Variants in MPC1 observed in about 807,000 individuals in gnomAD.
The protein encoded by MPC1 is HSPC040 protein.
MPC1 carries 6 observed loss-of-function variants against 13.9 expected under a neutral mutation model. The observed-to-expected ratio is 0.43, with a 90% CI of 0.24 to 0.85. The LOEUF is 0.85. Ranked by LOEUF, MPC1 falls within the 40% of genes least tolerant of loss-of-function variation. The probability of loss-of-function intolerance (pLI) is 0.24; values close to 1 mark genes in which losing one functional copy is unlikely to be tolerated. For missense variants in MPC1, 115 were observed against 143.3 expected, an observed-to-expected ratio of 0.80 and a Z score of 1.01; for synonymous variants, 47 against 50.5, an observed-to-expected ratio of 0.93 and a Z score of 0.29.
intron 1 of MPC1, among the ~76,000 whole-genome samples, chr6:166,376,125 G>A (rs952297739): frequency 1.3e-5 from 2 of 152,030 alleles, no homozygotes; most frequent in African/African-American, 4.8e-5. Context: ...ACTAATAGAA[G>A]ATGTATAGCT....
chr6:166,365,432 T>G lies in MPC1; in HGVS notation c.327A>C (p.Ala109=). The G allele has an allele frequency of 6.3e-7, 1 of 1,581,832 alleles. No homozygotes were observed. The highest frequency in any genetic ancestry group is 1.4e-5 in the African/African-American group (1 of 73,824). The change falls in exon 5 of 5, where the codon GCA becomes GCC. Residue 109 remains alanine (A), a synonymous_variant. Transcript: ENST00000360961. This position sits in a 1 kb window ranked among gnomAD's most constrained non-coding sequence, Gnocchi z 4.2. ...IKHEMTKTAS[A] ...CCTTGTTCTTCCTTTTCCATTGTTA[T>G]GCAGATGCCGTTTTAGTCATCCTGG... is the stretch of plus-strand genomic sequence containing the variant.
At chr6:166,376,041 A>T (rs2114968988) in intron 1 of MPC1, among the ~76,000 whole-genome samples, 1 of 152,240 alleles carries the variant, frequency 6.6e-6, no homozygotes, top group East Asian at 1.9e-4. Context: ...TTTTTGCCTC[A>T]TGTGTTTTAA....
intron 2 of MPC1, among the ~76,000 whole-genome samples, chr6:166,368,107 G>A (rs1779229212): frequency 6.6e-6 from 1 of 152,176 alleles, no homozygotes; most frequent in Non-Finnish European, 1.5e-5. Context: ...AAAGAATCTT[G>A]AGATTCTGGG....
At chr6:166,382,745 C>T in intron 1 of MPC1, 61 bp downstream of exon 1, 1 of 1,499,224 alleles carries the variant, frequency 6.7e-7, no homozygotes, top group Non-Finnish European at 8.9e-7. Flanking sequence ...GCGGACTGCA[C>T]GGGTCGCAGC....
chr6:166,371,795 GAGTA>G (rs1456144093), intron 1 of MPC1, among the ~76,000 whole-genome samples: 1 of 152,134 alleles, frequency 6.6e-6, no homozygotes, highest in Non-Finnish European at 1.5e-5. Context: ...AAATTAGGCA[GAGTA>G]AGAGATTGAC....
At chr6:166,374,454 T>C (rs748445024) in intron 1 of MPC1, among the ~76,000 whole-genome samples, 57 of 152,220 alleles carry the variant, frequency 3.7e-4, no homozygotes, top group Non-Finnish European at 7.5e-4. Context: ...TATCAATTAT[T>C]TCTGGGATCA....
At chr6:166,369,050 T>G (rs990978580) in intron 2 of MPC1, 1 of 569,160 alleles carries the variant, frequency 1.8e-6, no homozygotes, top group East Asian at 1.4e-4. Context: ...AAATGGACAA[T>G]GGAATAAATC....
chr6:166,366,087 C>G lies in MPC1; in HGVS notation c.192G>C (p.Leu64Phe), dbSNP rs914824697. ...CCTTGTAGGCAAATCTCATGAATGT[C>G]AAAGAATAGCAACAGAGGGCTGCCA... is the stretch of plus-strand genomic sequence containing the variant. Reference protein sequence around the residue: ...RMTFALCCYSLTFMRFAYKVQ... With the variant: ...RMTFALCCYSFTFMRFAYKVQ... Residue 64 changes from leucine (L) to phenylalanine (F), a missense_variant, in exon 4 of 5, where the codon TTG becomes TTC. Physicochemically the swap from Leu to Phe is conservative, Grantham distance 22. Around this residue, in one of 3 missense-constraint regions of MPC1, gnomAD observed 71 missense variants for 88.5 expected, o/e 0.80. Transcript: ENST00000360961. 34 of 1,613,592 alleles carry G rather than the reference C, an allele frequency of 2.1e-5. No homozygotes were observed. Among genetic ancestry groups the G allele is most frequent in the Non-Finnish European group, 2.9e-5 (34 of 1,179,758 alleles).
chr6:166,368,705 A>T (rs2114949742), intron 2 of MPC1: 2 of 949,796 alleles, frequency 2.1e-6, no homozygotes, highest in African/African-American at 3.6e-5. Flanking sequence ...TGTAAGGGAG[A>T]GTATCTATCT....
intron 1 of MPC1, among the ~76,000 whole-genome samples, chr6:166,375,576 C>T (rs1429178795): frequency 6.6e-6 from 1 of 151,812 alleles, no homozygotes; most frequent in Non-Finnish European, 1.5e-5. Flanking sequence ...TAACTGTATC[C>T]CACAAATTCT....
At chr6:166,378,175 G>A (rs958214226) in intron 1 of MPC1, among the ~76,000 whole-genome samples, 4 of 152,076 alleles carry the variant, frequency 2.6e-5, no homozygotes, top group Admixed American at 6.5e-5. Context: ...CACAAGTTTG[G>A]GAAAGATTCA....
chr6:166,369,897 C>T (rs1431965546), intron 2 of MPC1: 1 of 463,316 alleles, frequency 2.2e-6, no homozygotes, highest in Non-Finnish European at 4.0e-6. Context: ...ATCATCCCAC[C>T]CTTCTTTTCC....
chr6:166,365,219 A>G lies in MPC1; in HGVS notation c.*210T>C, dbSNP rs1779105233. ...TTAAATTAATTGCATATTTTGAGCT[A>G]CTCTTTATGGAAAGAAGTAAAATAT... On this transcript the variant is annotated 3_prime_UTR_variant, in exon 5 of 5. Transcript: ENST00000360961. The surrounding 1 kb of genome is among the most constrained non-coding windows in gnomAD (Gnocchi z 4.2). 2 of 408,284 alleles carry G rather than the reference A, an allele frequency of 4.9e-6. No homozygotes were observed. Among genetic ancestry groups the G allele is most frequent in the Non-Finnish European group, 8.6e-6 (2 of 232,300 alleles). The allele number at this position is 408,284 out of a possible 1,614,324, so 25.3% of individuals were successfully genotyped here. A position where few individuals can be genotyped will look rare whatever the true frequency, so the allele number is the denominator to read the frequency against.
intron 1 of MPC1, among the ~76,000 whole-genome samples, chr6:166,376,066 A>T (rs76396987): frequency 0.019 from 2,861 of 152,298 alleles, 91 homozygotes; most frequent in African/African-American, 0.066. Context: ...GTAATGGTGC[A>T]TACACATTAA....
intron 2 of MPC1, chr6:166,367,308 T>C (rs1036560251): frequency 8.8e-6 from 4 of 454,828 alleles, no homozygotes; most frequent in Non-Finnish European, 1.2e-5. Context: ...ACACTCCTTT[T>C]CCCAAATTTT....
chr6:166,369,693 CA>C (rs1186385086), intron 2 of MPC1, among the ~76,000 whole-genome samples: 1 of 152,120 alleles, frequency 6.6e-6, no homozygotes, highest in Non-Finnish European at 1.5e-5. Context: ...AGATATTCAG[CA>C]GTCAATTTTG....
chr6:166,376,955 T>C (rs774013437), intron 1 of MPC1, among the ~76,000 whole-genome samples: 1 of 152,182 alleles, frequency 6.6e-6, no homozygotes, highest in Non-Finnish European at 1.5e-5. Context: ...ATATTCAAAG[T>C]GATTATTGAT....
At chr6:166,379,851 G>A (rs915176208) in intron 1 of MPC1, among the ~76,000 whole-genome samples, 4 of 152,314 alleles carry the variant, frequency 2.6e-5, no homozygotes, top group African/African-American at 9.6e-5. Flanking sequence ...GGCTGTAAGC[G>A]TAAAGCTTGG....
chr6:166,373,688 A>G (rs939923016), intron 1 of MPC1, among the ~76,000 whole-genome samples: 1 of 152,230 alleles, frequency 6.6e-6, no homozygotes, highest in Non-Finnish European at 1.5e-5. Context: ...AAGTGGCTGT[A>G]TTATTTTGCA....
Sources: allele counts gnomAD v4.1 joint callset (sites outside exome capture counted in the v4.1 genomes callset), GRCh38; gene constraint gnomAD v4.1.1; regional missense constraint gnomAD v4.1.1; non-coding constraint Gnocchi (gnomAD v3.1); transcripts MANE v1.5; gene names NCBI Gene and HGNC (gene_info 2026-07-23, HGNC 2026-07-21).